The following TRIM66 variants were observed in gnomAD, a reference collection of about 807,000 sequenced individuals.
TRIM66 encodes the protein tripartite motif containing 66.
Under a neutral mutation model 148.2 loss-of-function variants are expected in TRIM66, and 99 were observed. That is an observed-to-expected ratio of 0.67 (90% CI 0.57 to 0.79). The LOEUF (loss-of-function observed/expected upper bound fraction) is 0.79, where lower values mean the gene tolerates loss of function less well. Ranked by LOEUF, TRIM66 falls within the 30% of genes least tolerant of loss-of-function variation. The pLI, the probability that TRIM66 is intolerant of heterozygous loss-of-function variation, is 0.00. For missense variants in TRIM66, 1,666 were observed against 1,697.9 expected (o/e 0.98, Z 0.33); for synonymous variants, 616 against 635.9 (o/e 0.97, Z 0.47).
chr11:8,628,919 A>G (rs1467282962), intron 15 of TRIM66, among the ~76,000 whole-genome samples: 1 of 152,210 alleles, frequency 6.6e-6, no homozygotes, highest in Non-Finnish European at 1.5e-5. Flanking sequence ...TTAAACACAG[A>G]TGAGTTAAAT....
At chr11:8,629,000 T>A (rs1384626485) in intron 15 of TRIM66, among the ~76,000 whole-genome samples, 1 of 152,200 alleles carries the variant, frequency 6.6e-6, no homozygotes, top group Non-Finnish European at 1.5e-5. Flanking sequence ...TTCAGTTTTT[T>A]AAAAAGCTTC....
intron 6 of TRIM66, among the ~76,000 whole-genome samples, chr11:8,659,406 A>T (rs2038090437): frequency 6.6e-6 from 1 of 152,124 alleles, no homozygotes; most frequent in South Asian, 2.1e-4. Flanking sequence ...TTTCAAAGAG[A>T]ACTGACAGGA....
intron 11 of TRIM66, among the ~76,000 whole-genome samples, chr11:8,646,205 G>A (rs1273524122): frequency 6.6e-6 from 1 of 152,212 alleles, no homozygotes; most frequent in Non-Finnish European, 1.5e-5. Context: ...CTATAACCCT[G>A]AGCAGTTAAG....
chr11:8,664,398 G>A, intron 6 of TRIM66, among the ~76,000 whole-genome samples: 1 of 152,152 alleles, frequency 6.6e-6, no homozygotes, highest in East Asian at 1.9e-4. Context: ...CTCCCCGTGA[G>A]CAAAGTGCCA....
At chr11:8,682,981 G>A (rs1592234027), upstream of TRIM66, 2 of 1,012,446 alleles carry the variant, frequency 2.0e-6, no homozygotes, top group East Asian at 5.0e-5. Context: ...GGGGCTCCCG[G>A]AGCCGTGTGT....
chr11:8,682,649 C>G lies in TRIM66; in HGVS notation c.-596G>C. 1 of 770,192 alleles carries G rather than the reference C, an allele frequency of 1.3e-6. No individual in the cohort carries two copies. The highest frequency in any genetic ancestry group is 2.3e-6 in the Non-Finnish European group (1 of 439,212). 47.7% of individuals were successfully genotyped at this position (770,192 alleles called of 1,614,324 possible). The stretch of plus-strand genomic sequence containing the variant: ...ACACTCCGTGATGGGGGATCACCAC[C>G]CTCAGAAAGAGGAAGCGACTAGCAG... On this transcript the variant is annotated 5_prime_UTR_variant, in exon 1 of 25. Transcript: ENST00000646038.
chr11:8,650,728 G>A (rs1394382326), intron 7 of TRIM66, among the ~76,000 whole-genome samples: 1 of 152,186 alleles, frequency 6.6e-6, no homozygotes, highest in Non-Finnish European at 1.5e-5. Flanking sequence ...GGAGTGGCTA[G>A]GAAAGGTTTT....
intron 15 of TRIM66, among the ~76,000 whole-genome samples, chr11:8,629,965 C>G (rs1411908739): frequency 5.3e-5 from 8 of 152,160 alleles, no homozygotes; most frequent in African/African-American, 1.9e-4. Flanking sequence ...ATTTCTGAAA[C>G]CTATATATGC....
At chr11:8,668,391 T>C (rs562134730) in intron 6 of TRIM66, among the ~76,000 whole-genome samples, 1 of 152,164 alleles carries the variant, frequency 6.6e-6, no homozygotes, top group East Asian at 1.9e-4. Context: ...ATTCCATGGG[T>C]TGACTGAGTA....
intron 6 of TRIM66, among the ~76,000 whole-genome samples, chr11:8,655,237 A>G (rs995098987): frequency 6.6e-6 from 1 of 152,220 alleles, no homozygotes; most frequent in Non-Finnish European, 1.5e-5. Context: ...GTAAGAAGCC[A>G]CCTGGAAGTT....
In TRIM66 at chr11:8,641,175, T is replaced by G. The variant is rs776773323; in HGVS notation, c.1223-23A>C. On this transcript the variant is annotated intron_variant, in intron 13 of 24. Coordinates refer to ENST00000646038, the MANE Select transcript of TRIM66 (RefSeq NM_001388022.1). ...AGCCTGAAAATGCAGAATAGAGAGT[T>G]TTTCAAAAGTTTTTCAAGTTGCTCC... is the stretch of plus-strand genomic sequence containing the variant. 7.9e-6 allele frequency: 12 copies of G among 1,526,760 alleles called. No individual in the cohort carries two copies. In the Middle Eastern group the frequency reaches 5.1e-4, roughly 65 times the overall value. The allele number at this position is 1,526,760 out of a possible 1,614,324, so 94.6% of individuals were successfully genotyped here. A position where few individuals can be genotyped will look rare whatever the true frequency, so the allele number is the denominator to read the frequency against.
At chr11:8,681,046 T>C (rs1266323138) in intron 1 of TRIM66, 1 of 152,014 alleles carries the variant, frequency 6.6e-6, no homozygotes, top group Non-Finnish European at 1.5e-5. Flanking sequence ...CAGTGAACAA[T>C]GGATGGGAAG....
intron 15 of TRIM66, among the ~76,000 whole-genome samples, chr11:8,634,953 G>A (rs778739168): frequency 7.2e-5 from 11 of 152,184 alleles, no homozygotes; most frequent in Non-Finnish European, 1.6e-4. Flanking sequence ...CACAGGCTGG[G>A]AGTGGGATGG....
intron 8 of TRIM66, among the ~76,000 whole-genome samples, 166 bp from the exon 9 acceptor site, chr11:8,648,714 T>C (rs1004427166): frequency 4.6e-5 from 7 of 152,158 alleles, no homozygotes; most frequent in Non-Finnish European, 8.8e-5. Flanking sequence ...AAGGAGGATT[T>C]TGGGCTGAGC....
At chr11:8,682,723 G>A, upstream of TRIM66, 1 of 1,531,322 alleles carries the variant, frequency 6.5e-7, no homozygotes, top group South Asian at 1.1e-5. Context: ...CCCGGCCTCT[G>A]TGACCGGAAG....
chr11:8,669,004 A>C (rs1565571617), intron 6 of TRIM66, among the ~76,000 whole-genome samples: 2 of 152,190 alleles, frequency 1.3e-5, no homozygotes, highest in Non-Finnish European at 2.9e-5. Context: ...GTCATAGAAC[A>C]ATACAGATTC....
At chr11:8,671,404 G>A (rs2038922484) in intron 6 of TRIM66, among the ~76,000 whole-genome samples, 1 of 152,160 alleles carries the variant, frequency 6.6e-6, no homozygotes, top group Admixed American at 6.5e-5. Context: ...ACTAGTCAGT[G>A]TGATTCTATT....
chr11:8,667,006 A>T (rs112041226), intron 6 of TRIM66, among the ~76,000 whole-genome samples: 87 of 152,108 alleles, frequency 5.7e-4, no homozygotes, highest in African/African-American at 2.0e-3. Context: ...TTTTTAGTAG[A>T]GACAGGGTTT....
chr11:8,683,013 T>A, upstream of TRIM66: 1 of 869,932 alleles, frequency 1.1e-6, no homozygotes, highest in Non-Finnish European at 1.8e-6. Flanking sequence ...TTCGGATCTC[T>A]AGGACACGCG....
Sources: gnomAD v4.1 joint callset for allele counts (sites outside exome capture counted in the v4.1 genomes callset) on GRCh38, gnomAD v4.1.1 for gene constraint, MANE v1.5 for transcripts, NCBI Gene and HGNC (gene_info 2026-07-23, HGNC 2026-07-21) for gene names.